RABGAP1: variants seen among roughly 807,000 people sequenced by gnomAD.
RABGAP1 encodes the protein RAB GTPase activating protein 1.
A neutral mutation model predicts 137.6 loss-of-function variants in RABGAP1; 23 were observed. The observed-to-expected ratio is 0.17, with a 90% confidence interval of 0.12 to 0.24. The LOEUF (loss-of-function observed/expected upper bound fraction) is 0.24, where lower values mean the gene tolerates loss of function less well. Among genes scored for constraint, RABGAP1 ranks in the 10% least tolerant of loss-of-function variants. RABGAP1 has a pLI of 1.00. For missense variants in RABGAP1, 906 were observed against 1,275.8 expected (o/e 0.71, Z 4.42); for synonymous variants, 451 against 450.7 (o/e 1.00, Z -0.01).
intron 18 of RABGAP1, 137 bp downstream of exon 18, chr9:123,076,423 C>A: frequency 8.5e-7 from 1 of 1,175,368 alleles, no homozygotes. Context: ...GTGGCTCTGA[C>A]AAAAGCGAAG....
chr9:123,061,456 G>A (rs1047109100), intron 13 of RABGAP1, among the ~76,000 whole-genome samples: 1 of 152,192 alleles, frequency 6.6e-6, no homozygotes, highest in Non-Finnish European at 1.5e-5. Context: ...GGACACAGCA[G>A]TGCTTGTTTA....
rs1053347330 is a variant in RABGAP1, at chr9:122,956,756, G to A, written c.-49-255G>A. On this transcript the variant is annotated intron_variant, in intron 1 of 25. Transcript: ENST00000373647. ...ACTTAGCCCAAAGAAATCACTGTAA[G>A]TAGTTAGGGTTATCCTGAAGGGAAT... Among the ~76,000 whole-genome samples, 10 of 151,980 alleles carry A rather than the reference G, an allele frequency of 6.6e-5. 1 individual carries two copies. The highest frequency in any genetic ancestry group is 1.7e-4 in the African/African-American group (7 of 41,376).
intron 13 of RABGAP1, chr9:123,029,623 A>G: frequency 1.4e-6 from 1 of 732,802 alleles, no homozygotes; most frequent in South Asian, 1.3e-5. Context: ...CAAGGTATTG[A>G]GCTTGTCCCT....
At chr9:123,060,640 T>G (rs1488626678) in intron 13 of RABGAP1, among the ~76,000 whole-genome samples, 1 of 152,254 alleles carries the variant, frequency 6.6e-6, no homozygotes, top group Non-Finnish European at 1.5e-5. Flanking sequence ...TAATTTCATA[T>G]TCTCACCAAC....
intron 1 of RABGAP1, among the ~76,000 whole-genome samples, chr9:122,948,150 C>G (rs1210325323): frequency 6.6e-6 from 1 of 151,732 alleles, no homozygotes; most frequent in Non-Finnish European, 1.5e-5. Flanking sequence ...TTTTAAAGAG[C>G]TACAAACCCA....
intron 14 of RABGAP1, among the ~76,000 whole-genome samples, chr9:123,067,930 C>T (rs1564174305): frequency 6.6e-6 from 1 of 152,154 alleles, no homozygotes; most frequent in Non-Finnish European, 1.5e-5. Context: ...ATTATTACTG[C>T]ATAATTGGTG....
chr9:123,082,937 G>A (rs2034757506), intron 19 of RABGAP1, among the ~76,000 whole-genome samples: 1 of 152,184 alleles, frequency 6.6e-6, no homozygotes, highest in African/African-American at 2.4e-5. Flanking sequence ...TGTGTAGTTA[G>A]TATGTATTAG....
At position 122,957,028 on chromosome 9, in the gene RABGAP1, ATCAT is replaced by A; in HGVS notation, c.-27_-24del. 2.8e-6 allele frequency: 4 copies of A among 1,419,192 alleles called. No individual in the cohort carries two copies. The highest frequency in any genetic ancestry group is 4.5e-5 in the Admixed American group (2 of 44,430). The allele number at this position is 1,419,192 out of a possible 1,614,324, so 87.9% of individuals were successfully genotyped here. ...TTTTTCAGGCATTAAAAAATATTTA[ATCAT>A]TCATGTGTTGAGACTCATTCTTGAG... is the stretch of plus-strand genomic sequence containing the variant. On this transcript the variant is annotated 5_prime_UTR_variant, in exon 2 of 26. It adds an upstream start codon to the 5' untranslated region. Transcript: ENST00000373647.
the RABGAP1 span, among the ~76,000 whole-genome samples, chr9:122,933,850 C>G: frequency 3.3e-5 from 5 of 152,050 alleles, no homozygotes; most frequent in African/African-American, 1.2e-4. Flanking sequence ...GTCTCAAACT[C>G]CTGACCTCCC....
rs747634806 is a variant in RABGAP1 at position 123,074,431 on chromosome 9, A to G, written c.2253+3A>G. 2 of 1,611,748 alleles carry G rather than the reference A, an allele frequency of 1.2e-6. No individual in the cohort carries two copies. Among genetic ancestry groups the G allele is most frequent in the Non-Finnish European group, 8.5e-7 (1 of 1,178,410 alleles). ...TCATCGACCTGCTTTTATGTGAGGT[A>G]TGTATCAGAGGCCACAGCACTTTGG... On this transcript the variant is annotated splice_donor_region_variant and intron_variant, in intron 17 of 25. Coordinates refer to ENST00000373647, the MANE Select transcript of RABGAP1 (RefSeq NM_012197.4).
At chr9:122,965,079 C>T (rs928351836) in intron 2 of RABGAP1, among the ~76,000 whole-genome samples, 1 of 151,958 alleles carries the variant, frequency 6.6e-6, no homozygotes, top group East Asian at 1.9e-4. Context: ...GATAGTAGTT[C>T]TAGGAAGTAT....
chr9:123,028,573 GCGTGTA>G (rs1483973465), intron 13 of RABGAP1, among the ~76,000 whole-genome samples: 1 of 152,228 alleles, frequency 6.6e-6, no homozygotes, highest in African/African-American at 2.4e-5. Flanking sequence ...AGAGAGAACA[GCGTGTA>G]CTCAAGGCAG....
chr9:123,029,679 T>C, intron 13 of RABGAP1: 1 of 684,588 alleles, frequency 1.5e-6, no homozygotes, highest in Non-Finnish European at 2.8e-6. Flanking sequence ...TGCCCCCGGG[T>C]TTGTTCACTG....
chr9:122,983,012 C>T (rs1044504982), intron 2 of RABGAP1, among the ~76,000 whole-genome samples: 18 of 151,942 alleles, frequency 1.2e-4, no homozygotes, highest in Admixed American at 1.0e-3. Context: ...GGACCACAGG[C>T]ACATGCTACC....
chr9:122,996,643 T>G, intron 8 of RABGAP1, 38 bp downstream of exon 8: 1 of 1,496,040 alleles, frequency 6.7e-7, no homozygotes, highest in Non-Finnish European at 9.2e-7. Flanking sequence ...ACATACTATT[T>G]CCTCAGTAAA....
At chr9:123,008,403 G>A (rs2030495742) in intron 10 of RABGAP1, among the ~76,000 whole-genome samples, 1 of 151,980 alleles carries the variant, frequency 6.6e-6, no homozygotes, top group Admixed American at 6.6e-5. Context: ...AAATTAGCTG[G>A]GCATAGTGGC....
In RABGAP1 at chr9:122,973,963, C is replaced by T. The variant is rs896124898; in HGVS notation, c.151-10522C>T. 2.0e-5 allele frequency among the ~76,000 whole-genome samples: 3 copies of T among 151,552 alleles called. No homozygotes were observed. The East Asian group carries it at 5.8e-4, about 29-fold the overall frequency. ...AGGCGGAGGTTGCAGTGAGCTATCA[C>T]GCCACTGCACTCCAGCCTGGGCGAC... On this transcript the variant is annotated intron_variant, in intron 2 of 25. Transcript: ENST00000373647.
At position 122,976,804 on chromosome 9, in the gene RABGAP1, A is replaced by T. The variant is rs1835781457; in HGVS notation, c.151-7681A>T. Among the ~76,000 whole-genome samples, 5 of 152,220 alleles carry T rather than the reference A, an allele frequency of 3.3e-5. No homozygotes were observed. The South Asian group carries it at 1.0e-3, about 32-fold the overall frequency. On this transcript the variant is annotated intron_variant, in intron 2 of 25. Coordinates refer to ENST00000373647, the MANE Select transcript of RABGAP1 (RefSeq NM_012197.4). The stretch of plus-strand genomic sequence containing the variant: ...CAATGCTAGAATAAACATATATGCT[A>T]ATATTATGGTAGCCCTGAGGAGGGA...
intron 13 of RABGAP1, chr9:123,062,804 A>G (rs931345785): frequency 5.3e-5 from 8 of 151,104 alleles, no homozygotes; most frequent in African/African-American, 1.9e-4. Context: ...TCTTTTTTTT[A>G]ATTGAGACAG....
Sources: gnomAD v4.1 joint callset for allele counts (sites outside exome capture counted in the v4.1 genomes callset) on GRCh38, gnomAD v4.1.1 for gene constraint, MANE v1.5 for transcripts, NCBI Gene and HGNC (gene_info 2026-07-23, HGNC 2026-07-21) for gene names.